Variants in UNCX observed in about 807,000 individuals in gnomAD.
UNCX encodes the protein homeobox protein unc-4 homolog.
UNCX carries 4 observed loss-of-function variants against 14.8 expected under a neutral mutation model. The observed-to-expected ratio is 0.27, with a 90% confidence interval of 0.13 to 0.62. UNCX has a LOEUF of 0.62. Among genes scored for constraint, UNCX ranks in the 20% least tolerant of loss-of-function variants. The pLI, the probability that UNCX is intolerant of heterozygous loss-of-function variation, is 0.86. For synonymous variants in UNCX, 459 were observed against 395.8 expected (o/e 1.16, Z -1.90); for missense variants, 749 against 786.8 (o/e 0.95, Z 0.58).
rs1778680477 is a variant in UNCX, at chr7:1,233,353, C to T, written c.274+62C>T. ...GCTGGGGGCGGGGGCCCTGGTCCGG[C>T]CGAGGCGCTGGGGGGCCCGGGGCTG... On this transcript the variant is annotated intron_variant, in intron 1 of 2. Transcript: ENST00000316333. This position sits in a 1 kb window ranked among gnomAD's most constrained non-coding sequence, Gnocchi z 5.3. 7.5e-7 allele frequency: 1 copy of T among 1,337,298 alleles called. No individual in the cohort carries two copies. Among genetic ancestry groups the T allele is most frequent in the South Asian group, 1.9e-5 (1 of 52,206 alleles). The allele number at this position is 1,337,298 out of a possible 1,614,324, so 82.8% of individuals were successfully genotyped here.
At position 1,232,957 on chromosome 7, in the gene UNCX, G is replaced by A. The variant is rs1309776680; in HGVS notation, c.-61G>A. ...CGCCCGCGCCTCCCGCCGCTGGCCCGCCCCGGCCCCGGCCCGCGCCCCCGC... is the reference window on the plus strand; with the variant it reads ...CGCCCGCGCCTCCCGCCGCTGGCCCACCCCGGCCCCGGCCCGCGCCCCCGC... On this transcript the variant is annotated 5_prime_UTR_variant, in exon 1 of 3. Coordinates refer to ENST00000316333, the MANE Select transcript of UNCX (RefSeq NM_001080461.3). The A allele has an allele frequency of 2.6e-5, 22 of 848,956 alleles. No homozygotes were observed. In the South Asian group the frequency reaches 4.1e-4, roughly 16 times the overall value. The allele number at this position is 848,956 out of a possible 1,614,324, so 52.6% of individuals were successfully genotyped here.
At position 1,236,573 on chromosome 7, in the gene UNCX, G is replaced by A. The variant is rs1184419681; in HGVS notation, c.1192G>A (p.Gly398Ser). ...GFLVPQAALK[G>S]GAGLEPAPKD... ...CCTGGTGCCGCAGGCCGCGCTCAAGGGCGGCGCGGGCCTGGAGCCGGCGCC... is the reference window on the plus strand; with the variant it reads ...CCTGGTGCCGCAGGCCGCGCTCAAGAGCGGCGCGGGCCTGGAGCCGGCGCC... The change falls in exon 3 of 3, where the codon GGC becomes AGC. Residue 398 changes from glycine to serine, a missense_variant. Around this residue, in one of 3 missense-constraint regions of UNCX, gnomAD observed 552 missense variants for 507.2 expected, o/e 1.09. Coordinates refer to ENST00000316333, the MANE Select transcript of UNCX (RefSeq NM_001080461.3). This position sits in a 1 kb window ranked among gnomAD's most constrained non-coding sequence, Gnocchi z 6.9. 1 of 1,331,286 alleles carries A rather than the reference G, an allele frequency of 7.5e-7. No homozygotes were observed. The highest frequency in any genetic ancestry group is 2.7e-5 in the Admixed American group (1 of 37,378). 82.5% of individuals were successfully genotyped at this position (1,331,286 alleles called of 1,614,324 possible). A position where few individuals can be genotyped will look rare whatever the true frequency, so the allele number is the denominator to read the frequency against.
In UNCX at chr7:1,236,970, T is replaced by A; in HGVS notation, c.1589T>A (p.Met530Lys). 8.4e-7 allele frequency: 1 copy of A among 1,192,814 alleles called. No individual in the cohort carries two copies. The highest frequency in any genetic ancestry group is 1.0e-6 in the Non-Finnish European group (1 of 962,268). 73.9% of individuals were successfully genotyped at this position (1,192,814 alleles called of 1,614,324 possible). A position where few individuals can be genotyped will look rare whatever the true frequency, so the allele number is the denominator to read the frequency against. ...PSPPEGEELD[M>K]D is the part of the protein sequence containing the mutation. ...CCGCCGGAGGGCGAGGAGCTGGACA[T>A]GGACTGAGGCCGCGGCGGCCGGGAG... The change falls in exon 3 of 3, where the codon ATG (methionine) becomes AAG (lysine). Residue 530 changes from methionine to lysine, a missense_variant. By Grantham distance (95) the Met-to-Lys change is moderately conservative. This residue lies in a region of UNCX where 552 missense variants were observed against 507.2 expected (regional missense o/e 1.09). Coordinates refer to ENST00000316333, the MANE Select transcript of UNCX (RefSeq NM_001080461.3). The surrounding 1 kb of genome is among the most constrained non-coding windows in gnomAD (Gnocchi z 6.9).
Position 1,236,694 on chromosome 7 carries a change from C to A in UNCX, c.1313C>A (p.Ala438Asp). The part of the protein sequence containing the change: ...FSGPGGAPDS[A>D]FARRSPDAVA... ...GGGCCCGGCGGCGCCCCGGACTCGGCCTTCGCGCGTCGCAGCCCCGACGCC... is the reference window on the plus strand; with the variant it reads ...GGGCCCGGCGGCGCCCCGGACTCGGACTTCGCGCGTCGCAGCCCCGACGCC... Residue 438 changes from alanine (A) to aspartate (D), a missense_variant, in exon 3 of 3, where the codon GCC becomes GAC. Physicochemically the swap from Ala to Asp is moderately radical, Grantham distance 126. Coordinates refer to ENST00000316333, the MANE Select transcript of UNCX (RefSeq NM_001080461.3). This position sits in a 1 kb window ranked among gnomAD's most constrained non-coding sequence, Gnocchi z 6.9. 1.0e-6 allele frequency: 1 copy of A among 1,003,094 alleles called. No homozygotes were observed. The highest frequency in any genetic ancestry group is 4.5e-5 in the South Asian group (1 of 22,374). 62.1% of individuals were successfully genotyped at this position (1,003,094 alleles called of 1,614,324 possible).
Position 1,237,014 on chromosome 7 carries a change from C to T in UNCX, c.*37C>T. On this transcript the variant is annotated 3_prime_UTR_variant, in exon 3 of 3. Transcript: ENST00000316333. This position sits in a 1 kb window ranked among gnomAD's most constrained non-coding sequence, Gnocchi z 5.8. ...CCGGGAGAGGCGCGTAGCCGGCCCG[C>T]GGCCGCTCGCTCAGGCTCCGACTCA... The T allele has an allele frequency of 8.7e-7, 1 of 1,148,138 alleles. No individual in the cohort carries two copies. The allele number at this position is 1,148,138 out of a possible 1,614,324, so 71.1% of individuals were successfully genotyped here. A position where few individuals can be genotyped will look rare whatever the true frequency, so the allele number is the denominator to read the frequency against.
chr7:1,233,281 C>T lies in UNCX; in HGVS notation c.264C>T (p.Phe88=). 7.5e-7 allele frequency: 1 copy of T among 1,329,182 alleles called. No homozygotes were observed. The highest frequency in any genetic ancestry group is 9.6e-7 in the Non-Finnish European group (1 of 1,046,944). 82.3% of individuals were successfully genotyped at this position (1,329,182 alleles called of 1,614,324 possible). ...ACGVGGDGQP[F]KLSDSGDPDK... is the part of the protein sequence containing the mutation. Reference sequence around the variant, plus strand: ...GGGTCGGCGGGGACGGCCAGCCCTTCAAGCTGTCAGGTAGGCGCGGCGGGC... The same window carrying T: ...GGGTCGGCGGGGACGGCCAGCCCTTTAAGCTGTCAGGTAGGCGCGGCGGGC... Residue 88 remains phenylalanine, a synonymous_variant, in exon 1 of 3, where the codon TTC becomes TTT. Transcript: ENST00000316333. The surrounding 1 kb of genome is among the most constrained non-coding windows in gnomAD (Gnocchi z 5.3).
chr7:1,236,149 C>T lies in UNCX; in HGVS notation c.768C>T (p.Gly256=), dbSNP rs770097986. 1.1e-5 allele frequency: 14 copies of T among 1,236,228 alleles called. No individual in the cohort carries two copies. The South Asian group carries it at 2.8e-4, about 25-fold the overall frequency. The allele number at this position is 1,236,228 out of a possible 1,614,324, so 76.6% of individuals were successfully genotyped here. A position where few individuals can be genotyped will look rare whatever the true frequency, so the allele number is the denominator to read the frequency against. ...PPEPPPPAAK[G]PGAHASGAAG... is the part of the protein sequence containing the mutation. ...AGCCGCCGCCGCCCGCCGCCAAGGG[C>T]CCCGGAGCGCACGCCTCGGGCGCCG... The change falls in exon 3 of 3, where the codon GGC becomes GGT. Residue 256 remains glycine (G), a synonymous_variant. Coordinates refer to ENST00000316333, the MANE Select transcript of UNCX (RefSeq NM_001080461.3). The surrounding 1 kb of genome is among the most constrained non-coding windows in gnomAD (Gnocchi z 6.9).
chr7:1,236,897 C>T lies in UNCX; in HGVS notation c.1516C>T (p.Pro506Ser), dbSNP rs1778756862. The change falls in exon 3 of 3, where the codon CCG becomes TCG. Residue 506 changes from proline (P) to serine (S), a missense_variant. Transcript: ENST00000316333. This position sits in a 1 kb window ranked among gnomAD's most constrained non-coding sequence, Gnocchi z 6.9. ...TCGGCCTCCCAGCCCCGCCGAGGAG[C>T]CGGCCACCTGCGGGGTTCCCGAGCC... ...GPRPPSPAEE[P>S]ATCGVPEPGA... 1 of 1,146,952 alleles carries T rather than the reference C, an allele frequency of 8.7e-7. No homozygotes were observed. The highest frequency in any genetic ancestry group is 1.1e-6 in the Non-Finnish European group (1 of 934,204). The allele number at this position is 1,146,952 out of a possible 1,614,324, so 71.0% of individuals were successfully genotyped here.
Position 1,235,817 on chromosome 7 carries a change from A to G in UNCX, c.451-15A>G, listed in dbSNP as rs769493574. ...GCCTGATTGTGGCTTCCTCTCCCCT[A>G]TCCGGCTGCTCTAGGTCTGGTTCCA... is the stretch of plus-strand genomic sequence containing the variant. On this transcript the variant is annotated splice_polypyrimidine_tract_variant and intron_variant, in intron 2 of 2. Transcript: ENST00000316333. The G allele has an allele frequency of 3.5e-5, 56 of 1,606,238 alleles. No individual in the cohort carries two copies. Among genetic ancestry groups the G allele is most frequent in the Admixed American group, 5.0e-5 (3 of 59,594 alleles).
At position 1,233,085 on chromosome 7, in the gene UNCX, G is replaced by A. The variant is rs1258274166; in HGVS notation, c.68G>A (p.Gly23Asp). 2 of 1,448,012 alleles carry A rather than the reference G, an allele frequency of 1.4e-6. No individual in the cohort carries two copies. The highest frequency in any genetic ancestry group is 6.2e-5 in the East Asian group (2 of 32,446). 89.7% of individuals were successfully genotyped at this position (1,448,012 alleles called of 1,614,324 possible). The part of the protein sequence containing the change: ...QFGGSLGGVV[G>D]FPYPLGHHHV... Reference sequence around the variant, plus strand: ...GGGGGCTCGCTGGGCGGCGTGGTGGGCTTCCCCTACCCGCTGGGCCACCAC... The same window carrying A: ...GGGGGCTCGCTGGGCGGCGTGGTGGACTTCCCCTACCCGCTGGGCCACCAC... The change falls in exon 1 of 3, where the codon GGC (glycine) becomes GAC (aspartate). Residue 23 changes from glycine to aspartate, a missense_variant. By Grantham distance (94) the Gly-to-Asp change is moderately conservative. This residue lies in a region of UNCX where 155 missense variants were observed against 166.7 expected (regional missense o/e 0.93). Transcript: ENST00000316333. The surrounding 1 kb of genome is among the most constrained non-coding windows in gnomAD (Gnocchi z 5.3).
rs1778674159 is a variant in UNCX, at chr7:1,233,130, G to A, written c.113G>A (p.Gly38Glu). 1 of 1,465,786 alleles carries A rather than the reference G, an allele frequency of 6.8e-7. No individual in the cohort carries two copies. Among genetic ancestry groups the A allele is most frequent in the Non-Finnish European group, 9.0e-7 (1 of 1,112,652 alleles). The allele number at this position is 1,465,786 out of a possible 1,614,324, so 90.8% of individuals were successfully genotyped here. ...LGHHHVYELA[G>E]HQLQSAAAAA... Reference sequence around the variant, plus strand: ...CACCACCACGTGTACGAGCTGGCCGGGCACCAGCTGCAGTCGGCCGCCGCC... The same window carrying A: ...CACCACCACGTGTACGAGCTGGCCGAGCACCAGCTGCAGTCGGCCGCCGCC... The change falls in exon 1 of 3, where the codon GGG (glycine) becomes GAG (glutamate). Residue 38 changes from glycine (G) to glutamate (E), a missense_variant. By Grantham distance (98) the Gly-to-Glu change is moderately conservative. Transcript: ENST00000316333. The surrounding 1 kb of genome is among the most constrained non-coding windows in gnomAD (Gnocchi z 5.3).
chr7:1,236,614 C>CGCGCCCGCCGTG lies in UNCX; in HGVS notation c.1234_1245dup (p.Ala412_Val415dup). On this transcript the variant is annotated inframe_insertion, in exon 3 of 3. Transcript: ENST00000316333. The surrounding 1 kb of genome is among the most constrained non-coding windows in gnomAD (Gnocchi z 6.9). ...AGCCGGCGCCCAAGGACGCGCCGCC[C>CGCGCCCGCCGTG]GCGCCCGCCGTGCCGCCCGCGCCGC... 9.1e-7 allele frequency: 1 copy of CGCGCCCGCCGTG among 1,094,622 alleles called. No individual in the cohort carries two copies. The highest frequency in any genetic ancestry group is 1.1e-6 in the Non-Finnish European group (1 of 906,610). 67.8% of individuals were successfully genotyped at this position (1,094,622 alleles called of 1,614,324 possible).
In UNCX at chr7:1,233,022, T is replaced by C; in HGVS notation, c.5T>C (p.Met2Thr). MMDGRLLEHPHA... is the reference protein window; with the variant it reads MTDGRLLEHPHA... ...CCCGCCGGCCCCCCGCGCGAGATGA[T>C]GGACGGCCGCCTCCTGGAACACCCG... The change falls in exon 1 of 3, where the codon ATG becomes ACG. Residue 2 changes from methionine (M) to threonine (T), a missense_variant. By Grantham distance (81) the Met-to-Thr change is moderately conservative. This residue lies in a region of UNCX where 155 missense variants were observed against 166.7 expected (regional missense o/e 0.93). Coordinates refer to ENST00000316333, the MANE Select transcript of UNCX (RefSeq NM_001080461.3). The surrounding 1 kb of genome is among the most constrained non-coding windows in gnomAD (Gnocchi z 5.3). 1 of 1,254,930 alleles carries C rather than the reference T, an allele frequency of 8.0e-7. No individual in the cohort carries two copies. Among genetic ancestry groups the C allele is most frequent in the Non-Finnish European group, 1.0e-6 (1 of 997,606 alleles). 77.7% of individuals were successfully genotyped at this position (1,254,930 alleles called of 1,614,324 possible).
rs1214814229 is a variant in UNCX at position 1,236,509 on chromosome 7, C to T, written c.1128C>T (p.Gly376=). The change falls in exon 3 of 3, where the codon GGC becomes GGT. Residue 376 remains glycine, a synonymous_variant. Coordinates refer to ENST00000316333, the MANE Select transcript of UNCX (RefSeq NM_001080461.3). This position sits in a 1 kb window ranked among gnomAD's most constrained non-coding sequence, Gnocchi z 6.9. ...CGCCGCGGACCCTGATCGGCAAGGG[C>T]CACTTCCTCCTCTACCCCATCACGC... The part of the protein sequence containing the change: ...PCAPRTLIGK[G]HFLLYPITQP... 1.4e-6 allele frequency: 2 copies of T among 1,409,430 alleles called. No individual in the cohort carries two copies. Among genetic ancestry groups the T allele is most frequent in the African/African-American group, 1.5e-5 (1 of 66,184 alleles). 87.3% of individuals were successfully genotyped at this position (1,409,430 alleles called of 1,614,324 possible). A position where few individuals can be genotyped will look rare whatever the true frequency, so the allele number is the denominator to read the frequency against.
rs762384520 is a variant in UNCX, at chr7:1,235,787, C to G, written c.451-45C>G. 6.3e-5 allele frequency: 98 copies of G among 1,566,146 alleles called. 1 individual carries two copies. In the South Asian group the frequency reaches 1.0e-3, roughly 17 times the overall value. On this transcript the variant is annotated intron_variant, in intron 2 of 2. Transcript: ENST00000316333. The stretch of plus-strand genomic sequence containing the variant: ...GAGGTCCTCGGCCCCGGCGGCCAGC[C>G]CGCCGCCTGATTGTGGCTTCCTCTC...
Position 1,236,745 on chromosome 7 carries a change from C to G in UNCX, c.1364C>G (p.Pro455Arg), listed in dbSNP as rs1488864294. 4 of 989,758 alleles carry G rather than the reference C, an allele frequency of 4.0e-6. No individual in the cohort carries two copies. Among genetic ancestry groups the G allele is most frequent in the Non-Finnish European group, 3.6e-6 (3 of 834,392 alleles). The allele number at this position is 989,758 out of a possible 1,614,324, so 61.3% of individuals were successfully genotyped here. ...GTCGCCTCCCCGGGGGCCCCAGCCCCGGCCCCGGCGCCTTTCCGGGACCTC... is the reference window on the plus strand; with the variant it reads ...GTCGCCTCCCCGGGGGCCCCAGCCCGGGCCCCGGCGCCTTTCCGGGACCTC... ...DAVASPGAPA[P>R]APAPFRDLAS... Residue 455 changes from proline (P) to arginine (R), a missense_variant, in exon 3 of 3, where the codon CCG becomes CGG. By Grantham distance (103) the Pro-to-Arg change is moderately radical. Around this residue, in one of 3 missense-constraint regions of UNCX, gnomAD observed 552 missense variants for 507.2 expected, o/e 1.09. Transcript: ENST00000316333. This position sits in a 1 kb window ranked among gnomAD's most constrained non-coding sequence, Gnocchi z 6.9.
chr7:1,232,931 C>T lies in UNCX; in HGVS notation c.-87C>T, dbSNP rs1778668337. On this transcript the variant is annotated 5_prime_UTR_variant, in exon 1 of 3. Transcript: ENST00000316333. The stretch of plus-strand genomic sequence containing the variant: ...CTCCGGGTCCCTGTCTCCGCCGCCG[C>T]CGCCCGCGCCTCCCGCCGCTGGCCC... 1 of 729,070 alleles carries T rather than the reference C, an allele frequency of 1.4e-6. No individual in the cohort carries two copies. The highest frequency in any genetic ancestry group is 1.7e-6 in the Non-Finnish European group (1 of 598,170). 45.2% of individuals were successfully genotyped at this position (729,070 alleles called of 1,614,324 possible). A position where few individuals can be genotyped will look rare whatever the true frequency, so the allele number is the denominator to read the frequency against.
In UNCX at chr7:1,233,723, T is replaced by C; in HGVS notation, c.450+28T>C. 6 of 1,575,542 alleles carry C rather than the reference T, an allele frequency of 3.8e-6. No individual in the cohort carries two copies. The highest frequency in any genetic ancestry group is 5.2e-6 in the Non-Finnish European group (6 of 1,156,354). ...AAAGACCCGGCGTCGCTCCCGGATC[T>C]GCCATCCGGACCCCAGGCTCTGGGC... On this transcript the variant is annotated intron_variant, in intron 2 of 2. Coordinates refer to ENST00000316333, the MANE Select transcript of UNCX (RefSeq NM_001080461.3). This position sits in a 1 kb window ranked among gnomAD's most constrained non-coding sequence, Gnocchi z 5.3.
chr7:1,236,160 A>G lies in UNCX; in HGVS notation c.779A>G (p.His260Arg). 1 of 1,205,202 alleles carries G rather than the reference A, an allele frequency of 8.3e-7. No homozygotes were observed. Among genetic ancestry groups the G allele is most frequent in the Non-Finnish European group, 1.0e-6 (1 of 967,876 alleles). The allele number at this position is 1,205,202 out of a possible 1,614,324, so 74.7% of individuals were successfully genotyped here. ...CCCGCCGCCAAGGGCCCCGGAGCGC[A>G]CGCCTCGGGCGCCGCGGGGACCGCG... is the stretch of plus-strand genomic sequence containing the variant. The part of the protein sequence containing the change: ...PPPAAKGPGA[H>R]ASGAAGTAPA... The change falls in exon 3 of 3, where the codon CAC (histidine) becomes CGC (arginine). Residue 260 changes from histidine (H) to arginine (R), a missense_variant. Physicochemically the swap from His to Arg is conservative, Grantham distance 29. Coordinates refer to ENST00000316333, the MANE Select transcript of UNCX (RefSeq NM_001080461.3). The surrounding 1 kb of genome is among the most constrained non-coding windows in gnomAD (Gnocchi z 6.9).
Sources: gnomAD v4.1 joint callset for allele counts on GRCh38, gnomAD v4.1.1 for gene constraint, gnomAD v4.1.1 regional missense constraint, Gnocchi (gnomAD v3.1) non-coding constraint, MANE v1.5 for transcripts, NCBI Gene and HGNC (gene_info 2026-07-23, HGNC 2026-07-21) for gene names.